Variants in IQCH observed in about 807,000 individuals in gnomAD.
IQCH encodes the protein IQ motif containing H.
Under a neutral mutation model 117.0 loss-of-function variants are expected in IQCH, and 98 were observed. The observed-to-expected ratio is 0.84, with a 90% CI of 0.71 to 0.99. The LOEUF is 0.99. Among genes scored for constraint, IQCH ranks in the 50% least tolerant of loss-of-function variants. IQCH has a pLI of 0.00. For missense variants in IQCH, 1,102 were observed against 1,243.8 expected, an observed-to-expected ratio of 0.89 and a Z score of 1.72; for synonymous variants, 412 against 448.2, an observed-to-expected ratio of 0.92 and a Z score of 1.02.
Position 67,400,873 on chromosome 15 carries a change from AT to A in IQCH, c.2097+576del, listed in dbSNP as rs369984313. On this transcript the variant is annotated intron_variant, in intron 14 of 20. Coordinates refer to ENST00000335894, the MANE Select transcript of IQCH (RefSeq NM_001031715.3). ...AATTGATTATGATAATTAGGAAGTA[AT>A]TTTTTTTATCACATTCAGGTAACAT... 5.5e-4 allele frequency among the ~76,000 whole-genome samples: 83 copies of A among 151,754 alleles called. 2 individuals carry two copies. The highest frequency in any genetic ancestry group is 3.5e-3 in the East Asian group (18 of 5,170).
intron 5 of IQCH, among the ~76,000 whole-genome samples, chr15:67,340,426 CAA>C (rs57244130): frequency 3.2e-5 from 2 of 62,664 alleles, no homozygotes; most frequent in Admixed American, 2.9e-4. Context: ...TACTCCATCT[CAA>C]AAAAAAAAAA....
Position 67,475,986 on chromosome 15 carries a change from C to G in IQCH, c.2799+168C>G, listed in dbSNP as rs576332137. Among the ~76,000 whole-genome samples, 1 of 152,360 alleles carries G rather than the reference C, an allele frequency of 6.6e-6. No homozygotes were observed. The highest frequency in any genetic ancestry group is 2.4e-5 in the African/African-American group (1 of 41,582). On this transcript the variant is annotated intron_variant, in intron 18 of 20. Transcript: ENST00000335894. The surrounding 1 kb of genome is among the most constrained non-coding windows in gnomAD (Gnocchi z 5.7). ...GGGGAAGAGCAGATACGCAACTCCA[C>G]AGAAAGTAGCACATAGTCCTGGAAA...
intron 6 of IQCH, among the ~76,000 whole-genome samples, 166 bp downstream of exon 6, chr15:67,344,357 A>C (rs1438442148): frequency 1.3e-5 from 2 of 152,176 alleles, no homozygotes; most frequent in Admixed American, 1.3e-4. Context: ...TTCTTCTATA[A>C]TTCTATTTAC....
intron 4 of IQCH, among the ~76,000 whole-genome samples, chr15:67,295,307 G>A (rs1057062370): frequency 6.6e-6 from 1 of 152,138 alleles, no homozygotes; most frequent in Admixed American, 6.6e-5. Context: ...GCTGTCTCAT[G>A]TAAAGACCAT....
intron 6 of IQCH, among the ~76,000 whole-genome samples, chr15:67,349,433 ACATGGTGAAACCCCGTCTCTAC>A (rs1364925423): frequency 1.3e-5 from 2 of 152,144 alleles, no homozygotes; most frequent in East Asian, 3.9e-4. Flanking sequence ...AACCTGGCCA[ACATGGTGAAACCCCGTCTCTAC>A]TAAAAATACA....
chr15:67,350,042 G>A (rs1278925889), intron 6 of IQCH, among the ~76,000 whole-genome samples: 2 of 152,128 alleles, frequency 1.3e-5, no homozygotes, highest in African/African-American at 4.8e-5. Context: ...CAAGATAAAT[G>A]AAAACATATT....
intron 12 of IQCH, among the ~76,000 whole-genome samples, chr15:67,394,360 T>C (rs1971388251): frequency 6.6e-6 from 1 of 152,188 alleles, no homozygotes; most frequent in Admixed American, 6.6e-5. Context: ...GATACTGTTA[T>C]TACACTCATT....
intron 4 of IQCH, among the ~76,000 whole-genome samples, chr15:67,319,363 T>G (rs1968006345): frequency 6.6e-6 from 1 of 152,362 alleles, no homozygotes; most frequent in East Asian, 1.9e-4. Flanking sequence ...GGTGATATTC[T>G]TGGGGCAAAT....
chr15:67,307,029 C>T (rs1967331899), intron 4 of IQCH: 1 of 1,338,000 alleles, frequency 7.5e-7, no homozygotes, highest in Non-Finnish European at 9.5e-7. Flanking sequence ...TTTAAAAGAA[C>T]AATTATGAAT....
At position 67,425,336 on chromosome 15, in the gene IQCH, A is replaced by G. The variant is rs911333742; in HGVS notation, c.2505+3759A>G. The stretch of plus-strand genomic sequence containing the variant: ...ACCATAAAAATTACTATTTCTGGCC[A>G]GGTGCGGTGGCTCACGCCTGTAATC... On this transcript the variant is annotated intron_variant, in intron 16 of 20. Transcript: ENST00000335894. The surrounding 1 kb of genome is among the most constrained non-coding windows in gnomAD (Gnocchi z 5.5). Among the ~76,000 whole-genome samples, 2 of 152,164 alleles carry G rather than the reference A, an allele frequency of 1.3e-5. No individual in the cohort carries two copies. The highest frequency in any genetic ancestry group is 2.9e-5 in the Non-Finnish European group (2 of 68,030).
In IQCH at chr15:67,417,406, C is replaced by G. The variant is rs1288192840; in HGVS notation, c.2218+355C>G. 6.6e-6 allele frequency among the ~76,000 whole-genome samples: 1 copy of G among 152,166 alleles called. No individual in the cohort carries two copies. The highest frequency in any genetic ancestry group is 2.4e-5 in the African/African-American group (1 of 41,416). ...CCACCAAGGCTCGTTTCCTCACTTACCTACCTTACAGGGTCATTGGGTGGA... is the reference window on the plus strand; with the variant it reads ...CCACCAAGGCTCGTTTCCTCACTTAGCTACCTTACAGGGTCATTGGGTGGA... On this transcript the variant is annotated intron_variant, in intron 15 of 20. Coordinates refer to ENST00000335894, the MANE Select transcript of IQCH (RefSeq NM_001031715.3). This position sits in a 1 kb window ranked among gnomAD's most constrained non-coding sequence, Gnocchi z 4.3.
intron 18 of IQCH, among the ~76,000 whole-genome samples, chr15:67,482,708 A>G (rs191605239): frequency 1.3e-5 from 2 of 152,322 alleles, no homozygotes; most frequent in Admixed American, 6.5e-5. Context: ...AATTTTAAAT[A>G]TCGTCGAGTG....
rs767730030 is a variant in IQCH, at chr15:67,500,748, C to T, written c.*2C>T. On this transcript the variant is annotated 3_prime_UTR_variant, in exon 21 of 21. Coordinates refer to ENST00000335894, the MANE Select transcript of IQCH (RefSeq NM_001031715.3). This position sits in a 1 kb window ranked among gnomAD's most constrained non-coding sequence, Gnocchi z 4.4. Reference sequence around the variant, plus strand: ...AACCTCTCTAAACCCAAGAAATGATCCTGGAATACAGTACATAACAATTTG... The same window carrying T: ...AACCTCTCTAAACCCAAGAAATGATTCTGGAATACAGTACATAACAATTTG... The T allele has an allele frequency of 2.0e-6, 3 of 1,469,420 alleles. No homozygotes were observed. The highest frequency in any genetic ancestry group is 3.7e-5 in the Admixed American group (2 of 54,434). 91.0% of individuals were successfully genotyped at this position (1,469,420 alleles called of 1,614,324 possible). A position where few individuals can be genotyped will look rare whatever the true frequency, so the allele number is the denominator to read the frequency against.
chr15:67,368,187 C>T (rs531658018), intron 8 of IQCH, among the ~76,000 whole-genome samples: 1 of 152,128 alleles, frequency 6.6e-6, no homozygotes, highest in South Asian at 2.1e-4. Context: ...GGACTTAAGG[C>T]CAAGGCTAAT....
At chr15:67,283,745 C>A (rs569878072) in intron 4 of IQCH, among the ~76,000 whole-genome samples, 1 of 152,202 alleles carries the variant, frequency 6.6e-6, no homozygotes, top group Non-Finnish European at 1.5e-5. Flanking sequence ...TTAGATAAAA[C>A]TCATGCCCCA....
intron 5 of IQCH, among the ~76,000 whole-genome samples, chr15:67,340,438 A>AC (rs1969105210): frequency 5.3e-5 from 7 of 132,146 alleles, no homozygotes; most frequent in Admixed American, 1.5e-4. Flanking sequence ...AAAAAAAAAA[A>AC]AAAAAAAAAA....
rs904735032 is a variant in IQCH at position 67,387,045 on chromosome 15, TA to T, written c.1457-1778del. Among the ~76,000 whole-genome samples, 8 of 152,124 alleles carry T rather than the reference TA, an allele frequency of 5.3e-5. No individual in the cohort carries two copies. In the East Asian group the frequency reaches 9.7e-4, roughly 18 times the overall value. On this transcript the variant is annotated intron_variant, in intron 11 of 20. Coordinates refer to ENST00000335894, the MANE Select transcript of IQCH (RefSeq NM_001031715.3). This position sits in a 1 kb window ranked among gnomAD's most constrained non-coding sequence, Gnocchi z 4.8. ...TTTTTCTGCCCTATTCTTTCATACT[TA>T]AAAAAAACTCATTAGTTTGATTTTT...
chr15:67,358,678 C>T (rs1970014511), intron 7 of IQCH, among the ~76,000 whole-genome samples: 3 of 152,202 alleles, frequency 2.0e-5, no homozygotes, highest in African/African-American at 7.2e-5. Context: ...CTGTCTTTTT[C>T]TGGCTTACCT....
In IQCH at chr15:67,436,945, C is replaced by T. The variant is rs142945546; in HGVS notation, c.2505+15368C>T. Among the ~76,000 whole-genome samples the T allele has an allele frequency of 1.4e-4, 22 of 151,948 alleles. 1 individual carries two copies. In the East Asian group the frequency reaches 3.5e-3, roughly 24 times the overall value. On this transcript the variant is annotated intron_variant, in intron 16 of 20. Coordinates refer to ENST00000335894, the MANE Select transcript of IQCH (RefSeq NM_001031715.3). This position sits in a 1 kb window ranked among gnomAD's most constrained non-coding sequence, Gnocchi z 5.1. ...TCAGACACGCGTAGCCCCACCCCCA[C>T]CTGATGGTCCTTCCCTATCCACCCT... is the stretch of plus-strand genomic sequence containing the variant.
Sources: allele counts gnomAD v4.1 joint callset (sites outside exome capture counted in the v4.1 genomes callset), GRCh38; gene constraint gnomAD v4.1.1; non-coding constraint Gnocchi (gnomAD v3.1); transcripts MANE v1.5; gene names NCBI Gene and HGNC (gene_info 2026-07-23, HGNC 2026-07-21).